The following TNKS variants were observed in gnomAD, a reference collection of about 807,000 sequenced individuals.
The protein encoded by TNKS is poly [ADP-ribose] polymerase tankyrase-1.
TNKS carries 72 observed loss-of-function variants against 135.8 expected under a neutral mutation model. That is an observed-to-expected ratio of 0.53 (90% confidence interval 0.44 to 0.64). TNKS has a LOEUF of 0.64. TNKS is among the 30% of genes least tolerant of loss of function. The probability of loss-of-function intolerance (pLI) is 0.00; values close to 1 mark genes in which losing one functional copy is unlikely to be tolerated. For missense variants in TNKS, 1,769 were observed against 1,674.0 expected (o/e 1.06, Z -0.99); for synonymous variants, 849 against 649.3 (o/e 1.31, Z -4.68).
chr8:9,768,979 A>G (rs1205129799), intron 25 of TNKS, among the ~76,000 whole-genome samples: 3 of 152,248 alleles, frequency 2.0e-5, no homozygotes, highest in Non-Finnish European at 2.9e-5. Context: ...CCATTACTAA[A>G]AACAATTTGA....
intron 11 of TNKS, among the ~76,000 whole-genome samples, chr8:9,710,795 C>A (rs190245872): frequency 6.6e-6 from 1 of 152,156 alleles, no homozygotes; most frequent in East Asian, 1.9e-4. Context: ...ACCCAGGAGG[C>A]TGAGGCAGGA....
intron 1 of TNKS, chr8:9,575,231 C>T (rs545126488): frequency 7.4e-4 from 347 of 465,976 alleles, no homozygotes; most frequent in Non-Finnish European, 9.3e-4. Context: ...GGACTACAGG[C>T]GCCCGCCACC....
At chr8:9,701,871 G>C (rs1037082540) in intron 5 of TNKS, among the ~76,000 whole-genome samples, 1 of 152,182 alleles carries the variant, frequency 6.6e-6, no homozygotes, top group African/African-American at 2.4e-5. Flanking sequence ...ACAGTGTTCA[G>C]ATAAGTACTG....
intron 11 of TNKS, among the ~76,000 whole-genome samples, chr8:9,716,867 G>A (rs1036718064): frequency 1.3e-5 from 2 of 151,434 alleles, no homozygotes; most frequent in South Asian, 4.2e-4. Flanking sequence ...TGGCTTAGAA[G>A]TATACCACCT....
At chr8:9,727,543 C>G (rs1335650836) in intron 13 of TNKS, among the ~76,000 whole-genome samples, 2 of 152,174 alleles carry the variant, frequency 1.3e-5, no homozygotes, top group Non-Finnish European at 2.9e-5. Context: ...ATCCAAGTAG[C>G]TGAGACTACA....
intron 2 of TNKS, among the ~76,000 whole-genome samples, chr8:9,600,195 T>G (rs1342488113): frequency 1.3e-5 from 2 of 152,160 alleles, no homozygotes; most frequent in Non-Finnish European, 2.9e-5. Flanking sequence ...GCCTGTGCAG[T>G]TTGGCCCCAG....
intron 1 of TNKS, chr8:9,558,488 T>C (rs941419408): frequency 3.9e-5 from 6 of 152,218 alleles, no homozygotes; most frequent in Admixed American, 1.3e-4. Context: ...CAAGTTTGCC[T>C]ATTTTAACAA....
chr8:9,624,089 A>C lies in TNKS; in HGVS notation c.994+8412A>C, dbSNP rs1039057441. Among the ~76,000 whole-genome samples the C allele has an allele frequency of 2.0e-5, 3 of 152,320 alleles. No homozygotes were observed. In the South Asian group the frequency reaches 6.2e-4, roughly 32 times the overall value. ...ATAATCTCACCACTCTAGTACTTCA[A>C]GTCCTTCCAATGAATCTTTTTGTGT... On this transcript the variant is annotated intron_variant, in intron 3 of 26. Coordinates refer to ENST00000310430, the MANE Select transcript of TNKS (RefSeq NM_003747.3).
intron 2 of TNKS, among the ~76,000 whole-genome samples, chr8:9,583,491 T>C (rs545577294): frequency 1.1e-4 from 16 of 151,594 alleles, no homozygotes; most frequent in Admixed American, 6.6e-5. Context: ...GCTATATGAT[T>C]TTTTTTTTCC....
intron 3 of TNKS, among the ~76,000 whole-genome samples, chr8:9,667,631 G>A (rs1802058956): frequency 6.6e-6 from 1 of 152,172 alleles, no homozygotes; most frequent in Non-Finnish European, 1.5e-5. Context: ...GTCTGTCATT[G>A]ATTTACAAAA....
In TNKS at chr8:9,585,438, G is replaced by C. The variant is rs1015299454; in HGVS notation, c.898+5055G>C. ...AGAAACCTATCTTGAGATTGAAAAG[G>C]CTCAGGGAGCTCCATATGAGATTGA... is the stretch of plus-strand genomic sequence containing the variant. On this transcript the variant is annotated intron_variant, in intron 2 of 26. Coordinates refer to ENST00000310430, the MANE Select transcript of TNKS (RefSeq NM_003747.3). Among the ~76,000 whole-genome samples the C allele has an allele frequency of 3.3e-5, 5 of 152,228 alleles. No individual in the cohort carries two copies. In the South Asian group the frequency reaches 1.0e-3, roughly 32 times the overall value.
intron 11 of TNKS, among the ~76,000 whole-genome samples, 154 bp from the exon 12 acceptor site, chr8:9,720,220 C>T (rs1383169537): frequency 6.6e-6 from 1 of 152,052 alleles, no homozygotes; most frequent in Admixed American, 6.5e-5. Context: ...GATAGTTCTT[C>T]AGAATCAGTG....
At chr8:9,709,835 C>A in intron 9 of TNKS, 120 bp from the exon 10 acceptor site, 2 of 713,152 alleles carry the variant, frequency 2.8e-6, no homozygotes, top group Non-Finnish European at 4.8e-6. Context: ...AAAACATATA[C>A]ATATGTTCTG....
chr8:9,588,301 G>C (rs1798462717), intron 2 of TNKS, among the ~76,000 whole-genome samples: 1 of 151,398 alleles, frequency 6.6e-6, no homozygotes, highest in Admixed American at 6.6e-5. Context: ...TTTTGAGACA[G>C]TCTTGCTCTG....
intron 5 of TNKS, among the ~76,000 whole-genome samples, chr8:9,692,763 G>T (rs1803338267): frequency 1.3e-5 from 2 of 152,090 alleles, no homozygotes; most frequent in Admixed American, 6.5e-5. Context: ...TTTCCACAAG[G>T]TTTCTCTTTT....
chr8:9,609,911 G>C (rs1799384070), intron 2 of TNKS, among the ~76,000 whole-genome samples: 1 of 151,986 alleles, frequency 6.6e-6, no homozygotes, highest in Non-Finnish European at 1.5e-5. Flanking sequence ...AGGCTGGAGT[G>C]CAGTGGCACA....
At chr8:9,667,982 A>T (rs1403108326) in intron 3 of TNKS, among the ~76,000 whole-genome samples, 1 of 152,002 alleles carries the variant, frequency 6.6e-6, no homozygotes, top group Non-Finnish European at 1.5e-5. Flanking sequence ...AGAAATCTTG[A>T]ATTGTTGGAG....
Position 9,615,768 on chromosome 8 carries a change from C to G in TNKS, c.994+91C>G, listed in dbSNP as rs1799622950. On this transcript the variant is annotated intron_variant, in intron 3 of 26. Transcript: ENST00000310430. ...TTGTTATGCTGAATTTTTCTTTTCA[C>G]TGATGAAGCTAAGCAAATATATCTG... 7.0e-6 allele frequency: 7 copies of G among 995,104 alleles called. No homozygotes were observed. In the Admixed American group the frequency reaches 1.5e-4, roughly 21 times the overall value. The allele number at this position is 995,104 out of a possible 1,614,324, so 61.6% of individuals were successfully genotyped here. A position where few individuals can be genotyped will look rare whatever the true frequency, so the allele number is the denominator to read the frequency against.
intron 2 of TNKS, among the ~76,000 whole-genome samples, chr8:9,591,242 C>G (rs936599944): frequency 3.9e-5 from 6 of 152,028 alleles, no homozygotes; most frequent in Admixed American, 3.9e-4. Context: ...TTTATTTTTT[C>G]CCTAGGTCCA....
Sources: allele counts gnomAD v4.1 joint callset (sites outside exome capture counted in the v4.1 genomes callset), GRCh38; gene constraint gnomAD v4.1.1; transcripts MANE v1.5; gene names NCBI Gene and HGNC (gene_info 2026-07-23, HGNC 2026-07-21).